The following NLRC5 variants were observed in gnomAD, a reference collection of about 807,000 sequenced individuals.
NLRC5 encodes the protein protein NLRC5.
Under a neutral mutation model 206.9 loss-of-function variants are expected in NLRC5, and 114 were observed. The observed-to-expected ratio is 0.55, with a 90% CI of 0.47 to 0.64. NLRC5 has a LOEUF of 0.64. Among genes scored for constraint, NLRC5 ranks in the 30% least tolerant of loss-of-function variants. NLRC5 has a pLI of 0.00. For synonymous variants in NLRC5, 952 were observed against 962.8 expected, an observed-to-expected ratio of 0.99 and a Z score of 0.21; for missense variants, 2,008 against 2,305.5, an observed-to-expected ratio of 0.87 and a Z score of 2.64.
Position 57,032,720 on chromosome 16 carries a change from G to C in NLRC5, c.2478-884G>C, listed in dbSNP as rs114771861. On this transcript the variant is annotated intron_variant, in intron 11 of 48. Transcript: ENST00000688547. ...GCAGAAAGTTCTATTAAACAGGCTG[G>C]CATGGTGGCTCATGTCTGTAACCCC... Among the ~76,000 whole-genome samples, 724 of 151,680 alleles carry C rather than the reference G, an allele frequency of 4.8e-3. 7 individuals carry two copies. The highest frequency in any genetic ancestry group is 0.016 in the African/African-American group (681 of 41,326).
intron 27 of NLRC5, among the ~76,000 whole-genome samples, chr16:57,057,414 A>C (rs1265819892): frequency 6.6e-6 from 1 of 152,218 alleles, no homozygotes; most frequent in Non-Finnish European, 1.5e-5. Flanking sequence ...ACAGAGCAAG[A>C]CTCCATCTCA....
chr16:57,062,456 C>T (rs1399320871), intron 32 of NLRC5: 3 of 254,148 alleles, frequency 1.2e-5, no homozygotes, highest in African/African-American at 2.3e-5. Context: ...TCACTGCCCC[C>T]ATCCCCTCAC....
chr16:57,079,134 G>T lies in NLRC5; in HGVS notation c.5165+1G>T. 1.2e-6 allele frequency: 2 copies of T among 1,614,124 alleles called. No homozygotes were observed. Among genetic ancestry groups the T allele is most frequent in the African/African-American group, 1.3e-5 (1 of 75,064 alleles). ...GATCCCCCCATTTGGAAGAGATCAGGTAAGTAGGGGCTGCCCAGCCCAGGC... is the reference window on the plus strand; with the variant it reads ...GATCCCCCCATTTGGAAGAGATCAGTTAAGTAGGGGCTGCCCAGCCCAGGC... On this transcript the variant is annotated splice_donor_variant, in intron 44 of 48. Transcript: ENST00000688547. LOFTEE classifies it high-confidence loss of function.
chr16:57,020,971 G>A lies in NLRC5; in HGVS notation c.259G>A (p.Glu87Lys). 1 of 1,614,030 alleles carries A rather than the reference G, an allele frequency of 6.2e-7. No homozygotes were observed. Among genetic ancestry groups the A allele is most frequent in the Non-Finnish European group, 8.5e-7 (1 of 1,179,974 alleles). ...GCAGCTGGAGGTGCCTCTGGACCTG[G>A]AGGTGCTGCTGCTGAGTACTTTTGG... ...CMQLEVPLDL[E>K]VLLLSTFGYD... Residue 87 changes from glutamate to lysine, a missense_variant, in exon 3 of 49, where the codon GAG (glutamate) becomes AAG (lysine). Glu to Lys is a moderately conservative substitution (Grantham distance 56, BLOSUM62 1). Coordinates refer to ENST00000688547, the MANE Select transcript of NLRC5 (RefSeq NM_001384950.1).
chr16:57,042,638 A>T (rs2063426645), intron 19 of NLRC5, among the ~76,000 whole-genome samples: 1 of 152,212 alleles, frequency 6.6e-6, no homozygotes, highest in Non-Finnish European at 1.5e-5. Flanking sequence ...TCTGGGCCAA[A>T]GCCAGAGGAG....
chr16:57,031,864 A>G (rs2061918406), intron 11 of NLRC5, among the ~76,000 whole-genome samples: 3 of 151,534 alleles, frequency 2.0e-5, no homozygotes, highest in Admixed American at 6.6e-5. Context: ...ACACTTAAGG[A>G]GTTTAGAGCA....
chr16:57,021,798 A>G (rs1344832425), intron 3 of NLRC5, among the ~76,000 whole-genome samples: 2 of 152,236 alleles, frequency 1.3e-5, no homozygotes, highest in Non-Finnish European at 2.9e-5. Context: ...CTGAGGGGAA[A>G]CACAGGACAT....
rs749502307 is a variant in NLRC5 at position 57,025,419 on chromosome 16, A to AC, written c.477dup (p.Arg160GlnfsTer47). The AC allele has an allele frequency of 5.1e-6, 8 of 1,579,138 alleles. No individual in the cohort carries two copies. The highest frequency in any genetic ancestry group is 6.9e-6 in the Non-Finnish European group (8 of 1,163,570). On this transcript the variant is annotated frameshift_variant, in exon 6 of 49. Transcript: ENST00000688547. LOFTEE classifies it high-confidence loss of function. ...CTGCGGACCTCTGCCCAGCAGCGCT[A>AC]CAGGAGCCAAATCCCTGGGTCAGGG...
intron 2 of NLRC5, among the ~76,000 whole-genome samples, chr16:57,018,389 A>G (rs575582859): frequency 6.6e-6 from 1 of 152,220 alleles, no homozygotes; most frequent in South Asian, 2.1e-4. Context: ...CTGTGGGCAC[A>G]CCCTTTGCCC....
At chr16:57,081,012 A>G (rs154045) in intron 46 of NLRC5, 86 bp from the exon 47 acceptor site, 769,087 of 1,234,116 alleles carry the variant, frequency 0.62, 242,405 homozygotes, top group East Asian at 0.85. Context: ...CACGACTGGC[A>G]CCCTGCTTTC....
chr16:57,006,703 C>T (rs2058951756), intron 1 of NLRC5, among the ~76,000 whole-genome samples: 1 of 151,812 alleles, frequency 6.6e-6, no homozygotes, highest in African/African-American at 2.4e-5. Context: ...TATTATTTTG[C>T]ACATTATGAA....
intron 1 of NLRC5, among the ~76,000 whole-genome samples, chr16:57,001,771 T>TA (rs1312654110): frequency 6.6e-6 from 1 of 152,244 alleles, no homozygotes; most frequent in Non-Finnish European, 1.5e-5. Context: ...TACTTTTTGT[T>TA]ATTTTTAAAT....
chr16:57,035,656 C>G (rs1161543820), intron 13 of NLRC5, among the ~76,000 whole-genome samples: 1 of 152,216 alleles, frequency 6.6e-6, no homozygotes, highest in Non-Finnish European at 1.5e-5. Context: ...AATAAGCCAT[C>G]CCCGACTCCC....
chr16:57,060,247 T>C (rs2066270530), intron 30 of NLRC5, among the ~76,000 whole-genome samples: 1 of 151,830 alleles, frequency 6.6e-6, no homozygotes, highest in East Asian at 1.9e-4. Context: ...TGCTACTCTG[T>C]GCCCCTCAGT....
chr16:57,049,534 G>A (rs1211459563), intron 23 of NLRC5, among the ~76,000 whole-genome samples: 6 of 151,904 alleles, frequency 3.9e-5, no homozygotes, highest in Non-Finnish European at 7.4e-5. Context: ...TCAGGAGTTC[G>A]AGACTAGCCT....
intron 1 of NLRC5, among the ~76,000 whole-genome samples, chr16:56,997,545 A>G (rs2142207705): frequency 6.6e-6 from 1 of 152,132 alleles, no homozygotes; most frequent in South Asian, 2.1e-4. Flanking sequence ...AGCCCTCCTG[A>G]CCCCAGAGGA....
At position 57,077,294 on chromosome 16, in the gene NLRC5, A is replaced by G. The variant is rs1483639325; in HGVS notation, c.4836-2A>G. On this transcript the variant is annotated splice_acceptor_variant, in intron 40 of 48. Coordinates refer to ENST00000688547, the MANE Select transcript of NLRC5 (RefSeq NM_001384950.1). LOFTEE classifies it high-confidence loss of function. ...GCTGATGAAGCTGTTTTCTCCCCCA[A>G]GCTTGAGCCACAACCAGATTGGAGA... is the stretch of plus-strand genomic sequence containing the variant. 2 of 1,614,002 alleles carry G rather than the reference A, an allele frequency of 1.2e-6. No individual in the cohort carries two copies. Among genetic ancestry groups the G allele is most frequent in the East Asian group, 2.2e-5 (1 of 44,878 alleles).
intron 1 of NLRC5, among the ~76,000 whole-genome samples, chr16:57,015,594 AT>A (rs2059968827): frequency 7.0e-5 from 2 of 28,556 alleles, no homozygotes; most frequent in Non-Finnish European, 1.6e-4. Context: ...TCTTAAAAAA[AT>A]AAATAAATAA....
intron 17 of NLRC5, 73 bp from the exon 18 acceptor site, chr16:57,041,412 G>C: frequency 2.4e-6 from 3 of 1,255,758 alleles, no homozygotes; most frequent in South Asian, 2.5e-5. Flanking sequence ...TCTGTGTCTG[G>C]GGGGTGGGAA....
Sources: allele counts gnomAD v4.1 joint callset (sites outside exome capture counted in the v4.1 genomes callset), GRCh38; gene constraint gnomAD v4.1.1; transcripts MANE v1.5; gene names NCBI Gene and HGNC (gene_info 2026-07-23, HGNC 2026-07-21).